Variants in NTM observed in about 807,000 individuals in gnomAD.
The protein encoded by NTM is IgLON family member 2.
In NTM, 13 loss-of-function variants were observed where a neutral mutation model predicts 42.1. The ratio of observed to expected loss-of-function variants is 0.31; its 90% CI spans 0.20 to 0.49. NTM has a LOEUF of 0.49. Ranked by LOEUF, NTM falls within the 20% of genes least tolerant of loss-of-function variation. NTM has a pLI of 0.99. For synonymous variants in NTM, 187 were observed against 179.2 expected, an observed-to-expected ratio of 1.04 and a Z score of -0.35; for missense variants, 373 against 452.8, an observed-to-expected ratio of 0.82 and a Z score of 1.60.
At chr11:131,929,386 TA>T (rs2058338148) in intron 2 of NTM, among the ~76,000 whole-genome samples, 2 of 152,038 alleles carry the variant, frequency 1.3e-5, no homozygotes, top group African/African-American at 2.4e-5. Flanking sequence ...CTTTGGATTT[TA>T]TTCTTCGTCT....
intron 1 of NTM, among the ~76,000 whole-genome samples, chr11:131,825,381 TG>T (rs2042004922): frequency 2.0e-5 from 3 of 151,398 alleles, no homozygotes; most frequent in African/African-American, 7.3e-5. Context: ...TATGAATTTT[TG>T]TATGGTGGTG....
At chr11:132,271,462 G>A (rs1183821867) in intron 4 of NTM, among the ~76,000 whole-genome samples, 1 of 152,092 alleles carries the variant, frequency 6.6e-6, no homozygotes, top group African/African-American at 2.4e-5. Context: ...ACCCTTTGAG[G>A]AACTGCCAGA....
In NTM at chr11:132,095,506, A is replaced by C. The variant is rs74594286; in HGVS notation, c.168-50776A>C. ...AGGCATAGAGAGAAACAGACTTGAA[A>C]GCCCTGAACTGAGAGGGAATTCATT... is the stretch of plus-strand genomic sequence containing the variant. On this transcript the variant is annotated intron_variant, in intron 2 of 8. Transcript: ENST00000683400. 2.4e-4 allele frequency among the ~76,000 whole-genome samples: 36 copies of C among 152,306 alleles called. 1 individual carries two copies. In the East Asian group the frequency reaches 7.0e-3, roughly 30 times the overall value.
rs554133343 is a variant in NTM at position 131,795,622 on chromosome 11, A to G, written c.83-115942A>G. The G allele has an allele frequency of 8.1e-6, 8 of 985,414 alleles. No individual in the cohort carries two copies. In the East Asian group the frequency reaches 4.5e-4, roughly 56 times the overall value. The allele number at this position is 985,414 out of a possible 1,614,324, so 61.0% of individuals were successfully genotyped here. A position where few individuals can be genotyped will look rare whatever the true frequency, so the allele number is the denominator to read the frequency against. On this transcript the variant is annotated intron_variant, in intron 1 of 8. Coordinates refer to ENST00000683400, the MANE Select transcript of NTM (RefSeq NM_001352005.2). Reference sequence around the variant, plus strand: ...CCACAGAGTCATGGGAGACCCTTGTAGGAGCTTGATTCCCATGTAGGCCAG... The same window carrying G: ...CCACAGAGTCATGGGAGACCCTTGTGGGAGCTTGATTCCCATGTAGGCCAG...
At chr11:131,744,141 T>G (rs1048444672) in intron 1 of NTM, among the ~76,000 whole-genome samples, 1 of 152,346 alleles carries the variant, frequency 6.6e-6, no homozygotes, top group Non-Finnish European at 1.5e-5. Context: ...TTTCCCCATC[T>G]GTGAATTAGA....
rs375005211 is a variant in NTM at position 132,033,025 on chromosome 11, C to A, written c.168-113257C>A. Among the ~76,000 whole-genome samples, 17 of 152,280 alleles carry A rather than the reference C, an allele frequency of 1.1e-4. No individual in the cohort carries two copies. The South Asian group carries it at 3.3e-3, about 30-fold the overall frequency. ...GAACCCAACCAAAGGTAAGTAAAGG[C>A]TCAGATACAGCCATATATGCCTGGT... On this transcript the variant is annotated intron_variant, in intron 2 of 8. Coordinates refer to ENST00000683400, the MANE Select transcript of NTM (RefSeq NM_001352005.2).
chr11:131,654,835 G>A (rs1245906416), intron 1 of NTM, among the ~76,000 whole-genome samples: 1 of 152,112 alleles, frequency 6.6e-6, no homozygotes, highest in Non-Finnish European at 1.5e-5. Context: ...TTGGAGCCAC[G>A]CTACTTATAC....
At chr11:131,673,565 C>T (rs192629489) in intron 1 of NTM, among the ~76,000 whole-genome samples, 29 of 152,296 alleles carry the variant, frequency 1.9e-4, no homozygotes, top group Admixed American at 9.1e-4. Context: ...AATATGGTGC[C>T]AGACAGTGAC....
chr11:131,669,627 G>A (rs2069756772), intron 1 of NTM, among the ~76,000 whole-genome samples: 1 of 152,040 alleles, frequency 6.6e-6, no homozygotes, highest in African/African-American at 2.4e-5. Flanking sequence ...CGAGGCTTCC[G>A]GCTCCAGGCT....
intron 2 of NTM, among the ~76,000 whole-genome samples, chr11:131,933,494 A>T (rs1050691188): frequency 6.6e-6 from 1 of 152,084 alleles, no homozygotes; most frequent in Non-Finnish European, 1.5e-5. Flanking sequence ...TACGAAACGC[A>T]CTGTTTTCCA....
chr11:131,654,971 C>T (rs2066986930), intron 1 of NTM, among the ~76,000 whole-genome samples: 1 of 152,162 alleles, frequency 6.6e-6, no homozygotes, highest in Non-Finnish European at 1.5e-5. Context: ...AATCTCAGGC[C>T]ACATGCACAT....
At chr11:132,149,421 T>G (rs376532394) in intron 3 of NTM, among the ~76,000 whole-genome samples, 1 of 151,962 alleles carries the variant, frequency 6.6e-6, no homozygotes, top group Non-Finnish European at 1.5e-5. Context: ...AAAAAAGAAA[T>G]AAAAACAGCA....
chr11:132,239,787 A>G (rs2089835657), intron 4 of NTM, among the ~76,000 whole-genome samples: 1 of 152,250 alleles, frequency 6.6e-6, no homozygotes, highest in South Asian at 2.1e-4. Context: ...CTATAAGAGT[A>G]GCATAACAAT....
intron 1 of NTM, among the ~76,000 whole-genome samples, chr11:131,497,004 A>T (rs1039632617): frequency 6.6e-6 from 1 of 152,100 alleles, no homozygotes; most frequent in African/African-American, 2.4e-5. Context: ...TCTCTCTAGC[A>T]GGAGGTCGAT....
At chr11:131,398,425 C>A (rs1050990777) in intron 1 of NTM, among the ~76,000 whole-genome samples, 1 of 151,988 alleles carries the variant, frequency 6.6e-6, no homozygotes, top group Non-Finnish European at 1.5e-5. Context: ...TTTTCTTATT[C>A]TCTGCCATGG....
intron 1 of NTM, among the ~76,000 whole-genome samples, chr11:131,471,335 T>C (rs575118010): frequency 6.6e-6 from 1 of 152,326 alleles, no homozygotes; most frequent in Non-Finnish European, 1.5e-5. Flanking sequence ...TACGGAGTGC[T>C]CTCTGTCAGG....
intron 1 of NTM, among the ~76,000 whole-genome samples, chr11:131,468,187 C>G (rs78009132): frequency 1.8e-3 from 275 of 152,334 alleles, no homozygotes; most frequent in African/African-American, 6.4e-3. Context: ...TCCTGTCTGT[C>G]TGCTCCAGCC....
intron 1 of NTM, among the ~76,000 whole-genome samples, chr11:131,545,841 G>A (rs1288374164): frequency 6.6e-6 from 1 of 152,156 alleles, no homozygotes; most frequent in Non-Finnish European, 1.5e-5. Context: ...TCGGCAGAGG[G>A]ACCTGCAGTG....
chr11:131,864,442 A>G (rs981073028), intron 1 of NTM, among the ~76,000 whole-genome samples: 4 of 152,188 alleles, frequency 2.6e-5, no homozygotes, highest in Non-Finnish European at 4.4e-5. Context: ...ACAAAGGCTA[A>G]TTATCATTTT....
Sources: gnomAD v4.1 joint callset for allele counts (sites outside exome capture counted in the v4.1 genomes callset) on GRCh38, gnomAD v4.1.1 for gene constraint, MANE v1.5 for transcripts, NCBI Gene and HGNC (gene_info 2026-07-23, HGNC 2026-07-21) for gene names.